The following RMDN3 variants were observed in gnomAD, a reference collection of about 807,000 sequenced individuals.
The protein encoded by RMDN3 is regulator of microtubule dynamics protein 3.
In RMDN3, 41 loss-of-function variants were observed where a neutral mutation model predicts 61.8. The observed-to-expected ratio is 0.66, with a 90% CI of 0.52 to 0.86. The LOEUF (loss-of-function observed/expected upper bound fraction) is 0.86, where lower values mean the gene tolerates loss of function less well. Among genes scored for constraint, RMDN3 ranks in the 40% least tolerant of loss-of-function variants. The pLI is 0.00. For synonymous variants in RMDN3, 247 were observed against 232.0 expected, an observed-to-expected ratio of 1.06 and a Z score of -0.59; for missense variants, 557 against 585.3, an observed-to-expected ratio of 0.95 and a Z score of 0.50.
rs1897133171 is a variant in RMDN3, at chr15:40,738,048, G to T, written c.1048-6C>A. 1.2e-6 allele frequency: 2 copies of T among 1,613,746 alleles called. No individual in the cohort carries two copies. The highest frequency in any genetic ancestry group is 3.3e-5 in the Admixed American group (2 of 59,978). The stretch of plus-strand genomic sequence containing the variant: ...ATGGCTTTGTCCACATGCTCCTAAG[G>T]GGAAAATGTAAATATAAACTAACAT... On this transcript the variant is annotated splice_polypyrimidine_tract_variant and splice_region_variant and intron_variant, in intron 8 of 12. Transcript: ENST00000338376.
chr15:40,753,338 C>T (rs1196221930), intron 2 of RMDN3, among the ~76,000 whole-genome samples: 1 of 151,994 alleles, frequency 6.6e-6, no homozygotes, highest in Non-Finnish European at 1.5e-5. Context: ...ATGGGGAAAC[C>T]CCATCTTTAC....
intron 6 of RMDN3, among the ~76,000 whole-genome samples, chr15:40,743,103 T>C (rs1897347039): frequency 6.6e-6 from 1 of 152,146 alleles, no homozygotes; most frequent in African/African-American, 2.4e-5. Context: ...GTACTTACAA[T>C]AGAAAGGTAG....
At chr15:40,745,420 T>C (rs1897492199) in intron 4 of RMDN3, among the ~76,000 whole-genome samples, 161 bp from the exon 5 acceptor site, 1 of 150,608 alleles carries the variant, frequency 6.6e-6, no homozygotes, top group Non-Finnish European at 1.5e-5. Flanking sequence ...TTCTTTTTTT[T>C]TTTTTTTTTT....
intron 4 of RMDN3, 113 bp downstream of exon 4, chr15:40,751,313 T>C (rs1897810112): frequency 7.5e-7 from 1 of 1,335,712 alleles, no homozygotes; most frequent in Non-Finnish European, 1.0e-6. Context: ...TATTATACTC[T>C]TACCTGTTCC....
At position 40,751,975 on chromosome 15, in the gene RMDN3, G is replaced by T; in HGVS notation, c.380+11C>A. 6.2e-7 allele frequency: 1 copy of T among 1,611,514 alleles called. No homozygotes were observed. Among genetic ancestry groups the T allele is most frequent in the South Asian group, 1.1e-5 (1 of 90,822 alleles). On this transcript the variant is annotated intron_variant, in intron 3 of 12. Transcript: ENST00000338376. ...GAGGGATAAAGCAGGAGAAGAAGCC[G>T]CATTACTCACCGGACCTCCCCAACA...
intron 5 of RMDN3, chr15:40,744,418 A>C: frequency 2.8e-6 from 1 of 361,146 alleles, no homozygotes; most frequent in Admixed American, 4.3e-5. Context: ...GGAAAGGTCA[A>C]CTCCAAGATG....
At position 40,738,481 on chromosome 15, in the gene RMDN3, G is replaced by GAGGAAAAGCCTGTCCTCACCTTGA; in HGVS notation, c.1043_1047+19dup. 6.2e-7 allele frequency: 1 copy of GAGGAAAAGCCTGTCCTCACCTTGA among 1,613,372 alleles called. No homozygotes were observed. Among genetic ancestry groups the GAGGAAAAGCCTGTCCTCACCTTGA allele is most frequent in the South Asian group, 1.1e-5 (1 of 91,042 alleles). On this transcript the variant is annotated intron_variant, in intron 8 of 12. Coordinates refer to ENST00000338376, the MANE Select transcript of RMDN3 (RefSeq NM_018145.3). ...TCTGGGATAGGCCAGCACAAGGAAG[G>GAGGAAAAGCCTGTCCTCACCTTGA]AGGAAAAGCCTGTCCTCACCTTGAA...
chr15:40,751,537 C>T lies in RMDN3; in HGVS notation c.413G>A (p.Arg138Gln), dbSNP rs760341626. The T allele has an allele frequency of 2.5e-5, 41 of 1,612,608 alleles. No individual in the cohort carries two copies. Among genetic ancestry groups the T allele is most frequent in the Non-Finnish European group, 3.3e-5 (39 of 1,179,886 alleles). Residue 138 changes from arginine to glutamine, a missense_variant, in exon 4 of 13, where the codon CGG becomes CAG. Physicochemically the swap from Arg to Gln is conservative, Grantham distance 43 (BLOSUM62 1). Coordinates refer to ENST00000338376, the MANE Select transcript of RMDN3 (RefSeq NM_018145.3). The stretch of plus-strand genomic sequence containing the variant: ...CCGGACAAACGGAAACCTTCGCCGC[C>T]GAGCCACTCTCTGGTTCTCTTCCAT... ...CHMEENQRVA[R>Q]RRRFPFVRER...
At chr15:40,737,430 C>T in intron 10 of RMDN3, 89 bp from the exon 11 acceptor site, 1 of 1,321,350 alleles carries the variant, frequency 7.6e-7, no homozygotes, top group Non-Finnish European at 1.1e-6. Flanking sequence ...AGTCCCCAAC[C>T]ATGTGGCTGA....
chr15:40,742,170 AG>A, intron 6 of RMDN3, among the ~76,000 whole-genome samples: 1 of 144,408 alleles, frequency 6.9e-6, no homozygotes, highest in East Asian at 2.0e-4. Context: ...TAATTTTTTA[AG>A]TTTTTTTTTT....
At position 40,745,255 on chromosome 15, in the gene RMDN3, T is replaced by C; in HGVS notation, c.529A>G (p.Thr177Ala). The stretch of plus-strand genomic sequence containing the variant: ...TTGTCAGACTCCGCATTGGCTGTTG[T>C]GTAACTGGCAGAGAAATGTAAGGGA... ...FTDAESEGGY[T>A]TANAESDNER... The change falls in exon 5 of 13, where the codon ACA becomes GCA. Residue 177 changes from threonine (T) to alanine (A), a missense_variant. Coordinates refer to ENST00000338376, the MANE Select transcript of RMDN3 (RefSeq NM_018145.3). 1 of 1,613,438 alleles carries C rather than the reference T, an allele frequency of 6.2e-7. No individual in the cohort carries two copies. Among genetic ancestry groups the C allele is most frequent in the South Asian group, 1.1e-5 (1 of 91,072 alleles).
chr15:40,752,228 G>A, intron 2 of RMDN3, 50 bp from the exon 3 acceptor site: 5 of 1,557,876 alleles, frequency 3.2e-6, no homozygotes, highest in Non-Finnish European at 4.4e-6. Flanking sequence ...ATATGGTGGG[G>A]AAGAGATCTC....
chr15:40,752,066 G>A lies in RMDN3; in HGVS notation c.300C>T (p.Ser100=), dbSNP rs758803882. ...CCACCTCCCGCCGCAGCGCCACAAG[G>A]CTGGTCAGCACAAAGTCCAGGCGGT... ...VLDRLDFVLT[S]LVALRREVEE... is the part of the protein sequence containing the mutation. Residue 100 remains serine, a synonymous_variant, in exon 3 of 13, where the codon AGC becomes AGT. Transcript: ENST00000338376. The A allele has an allele frequency of 6.2e-7, 1 of 1,614,206 alleles. No homozygotes were observed. The highest frequency in any genetic ancestry group is 8.5e-7 in the Non-Finnish European group (1 of 1,180,034).
chr15:40,751,375 CA>C (rs1566810736), intron 4 of RMDN3, 50 bp downstream of exon 4: 2 of 1,587,644 alleles, frequency 1.3e-6, no homozygotes, highest in Non-Finnish European at 1.7e-6. Flanking sequence ...AATACTTTTA[CA>C]AAACACAACC....
intron 6 of RMDN3, among the ~76,000 whole-genome samples, chr15:40,743,248 C>T (rs1897352431): frequency 6.6e-6 from 1 of 152,002 alleles, no homozygotes; most frequent in Admixed American, 6.6e-5. Flanking sequence ...TGGCGAAACC[C>T]CATCTCTGCT....
chr15:40,752,775 G>T (rs1217404839), intron 2 of RMDN3, among the ~76,000 whole-genome samples: 2 of 152,154 alleles, frequency 1.3e-5, no homozygotes, highest in Non-Finnish European at 1.5e-5. Flanking sequence ...CCCAACCCTA[G>T]ATCTCAGAGT....
chr15:40,740,234 T>G, intron 6 of RMDN3, 41 bp from the exon 7 acceptor site: 1 of 1,344,698 alleles, frequency 7.4e-7, no homozygotes, highest in Non-Finnish European at 1.1e-6. Context: ...ATAGCTCTTA[T>G]GCACACTTTC....
In RMDN3 at chr15:40,737,969, T is replaced by C. The variant is rs771071312; in HGVS notation, c.1121A>G (p.Tyr374Cys). 8.7e-6 allele frequency: 14 copies of C among 1,614,120 alleles called. No homozygotes were observed. In the South Asian group the frequency reaches 1.2e-4, roughly 14 times the overall value. ...MAHFLLGRWC[Y>C]QVSHLSWLEK... ...AAGCACTGAAACGCAGCTTACCTGA[T>C]AGCACCACCTGCCAAGAAGAAAGTG... is the stretch of plus-strand genomic sequence containing the variant. Residue 374 changes from tyrosine (Y) to cysteine (C), a missense_variant, in exon 9 of 13, where the codon TAT becomes TGT. Coordinates refer to ENST00000338376, the MANE Select transcript of RMDN3 (RefSeq NM_018145.3).
At chr15:40,744,229 T>A (rs748986092) in intron 5 of RMDN3, 80 bp from the exon 6 acceptor site, 2 of 1,318,056 alleles carry the variant, frequency 1.5e-6, no homozygotes, top group Non-Finnish European at 2.2e-6. Context: ...CCCCACACCC[T>A]AGGTTTGAAT....
Sources: gnomAD v4.1 joint callset for allele counts (sites outside exome capture counted in the v4.1 genomes callset) on GRCh38, gnomAD v4.1.1 for gene constraint, MANE v1.5 for transcripts, NCBI Gene and HGNC (gene_info 2026-07-23, HGNC 2026-07-21) for gene names.